Variants in DYM observed in about 807,000 individuals in gnomAD.
DYM encodes dymeclin, also known as dyggve-Melchior-Clausen syndrome protein.
In DYM, 78 loss-of-function variants were observed where a neutral mutation model predicts 93.1. That is an observed-to-expected ratio of 0.84 (90% CI 0.70 to 1.01). The LOEUF is 1.01. Among genes scored for constraint, DYM ranks in the 50% least tolerant of loss-of-function variants. DYM has a pLI of 0.00. For synonymous variants in DYM, 321 were observed against 319.7 expected (o/e 1.00, Z -0.04); for missense variants, 789 against 845.0 (o/e 0.93, Z 0.82).
At chr18:49,124,152 T>G (rs1232068456) in intron 15 of DYM, among the ~76,000 whole-genome samples, 1 of 152,178 alleles carries the variant, frequency 6.6e-6, no homozygotes, top group Non-Finnish European at 1.5e-5. Context: ...ACCTGCTACT[T>G]TAAACCCAGG....
intron 8 of DYM, among the ~76,000 whole-genome samples, chr18:49,309,820 A>C (rs2061482136): frequency 2.0e-5 from 3 of 152,216 alleles, no homozygotes; most frequent in Admixed American, 2.0e-4. Context: ...AAAGGTTAAG[A>C]AACACTGGCC....
At chr18:49,370,942 C>G (rs574098041) in intron 5 of DYM, among the ~76,000 whole-genome samples, 1 of 152,246 alleles carries the variant, frequency 6.6e-6, no homozygotes, top group South Asian at 2.1e-4. Context: ...AAAAGAACAA[C>G]CTACGAGCAA....
chr18:49,202,822 A>C (rs2092140053), intron 14 of DYM, among the ~76,000 whole-genome samples: 1 of 61,824 alleles, frequency 1.6e-5, no homozygotes, highest in African/African-American at 5.6e-5. Flanking sequence ...AGAAGTGAGG[A>C]GCCTCTCCGC....
chr18:49,404,964 G>T (rs2071295865), intron 2 of DYM, among the ~76,000 whole-genome samples: 1 of 150,612 alleles, frequency 6.6e-6, no homozygotes, highest in Admixed American at 6.6e-5. Flanking sequence ...AGTGCGCCAA[G>T]GTTGCGCCAT....
At chr18:49,073,280 T>C (rs958318204) in intron 17 of DYM, among the ~76,000 whole-genome samples, 3 of 152,258 alleles carry the variant, frequency 2.0e-5, no homozygotes, top group Non-Finnish European at 4.4e-5. Flanking sequence ...GCTATATTTA[T>C]GCCTAAAAAT....
chr18:49,049,294 A>G (rs1469624475), intron 17 of DYM, among the ~76,000 whole-genome samples: 1 of 152,238 alleles, frequency 6.6e-6, no homozygotes, highest in African/African-American at 2.4e-5. Context: ...CAGGCAGATA[A>G]TTTGAGTTTC....
chr18:49,081,049 G>A (rs1393320661), intron 17 of DYM, among the ~76,000 whole-genome samples: 17 of 141,438 alleles, frequency 1.2e-4, no homozygotes, highest in East Asian at 4.3e-4. Context: ...GGCTCCTCAC[G>A]TCCCAGACGA....
intron 10 of DYM, among the ~76,000 whole-genome samples, chr18:49,277,144 C>T (rs975679430): frequency 6.6e-5 from 10 of 151,996 alleles, no homozygotes; most frequent in South Asian, 2.1e-4. Flanking sequence ...GTCTATGAGA[C>T]GGCCACTGGG....
intron 14 of DYM, chr18:49,206,319 A>C (rs1362191190): frequency 6.5e-6 from 1 of 154,990 alleles, no homozygotes; most frequent in Non-Finnish European, 1.4e-5. Flanking sequence ...TTTTTAAGAA[A>C]TAAGCTTATA....
chr18:49,296,820 C>T (rs1467374021), intron 8 of DYM, among the ~76,000 whole-genome samples: 3 of 152,188 alleles, frequency 2.0e-5, no homozygotes, highest in Admixed American at 2.0e-4. Flanking sequence ...ATTCTTTCCT[C>T]TCTTCTCTCA....
intron 13 of DYM, among the ~76,000 whole-genome samples, chr18:49,228,441 CA>C (rs1356110104): frequency 2.0e-5 from 3 of 152,100 alleles, no homozygotes; most frequent in African/African-American, 7.2e-5. Context: ...AAGAAAACCC[CA>C]CAATTTGGAC....
At chr18:49,115,350 A>G (rs1461081137) in intron 16 of DYM, among the ~76,000 whole-genome samples, 1 of 152,258 alleles carries the variant, frequency 6.6e-6, no homozygotes, top group Non-Finnish European at 1.5e-5. Context: ...TGTCAGGAAT[A>G]CAAAGAAAAT....
In DYM at chr18:49,167,023, TGTGTGTGTGTGC is replaced by T. The variant is rs1175746930; in HGVS notation, c.1626-3248_1626-3237del. ...GTGTGTGTGTGTGTGTGTGTGTGTGTGTGTGTGTGTGCGCGCCTGTGTCCCCTATTAGTGCAC... is the reference window on the plus strand; with the variant it reads ...GTGTGTGTGTGTGTGTGTGTGTGTGTGCGCCTGTGTCCCCTATTAGTGCAC... On this transcript the variant is annotated intron_variant, in intron 14 of 17. Transcript: ENST00000675505. Among the ~76,000 whole-genome samples the T allele has an allele frequency of 4.0e-3, 565 of 141,538 alleles. 3 individuals carry two copies. The highest frequency in any genetic ancestry group is 0.015 in the African/African-American group (519 of 33,854). The allele number at this position is 141,538 out of a possible 152,430, so 92.9% of individuals were successfully genotyped here.
intron 8 of DYM, among the ~76,000 whole-genome samples, chr18:49,330,296 T>G (rs577345032): frequency 6.6e-6 from 1 of 152,084 alleles, no homozygotes; most frequent in Non-Finnish European, 1.5e-5. Flanking sequence ...TTTAAAACCG[T>G]GAGAAAAAAA....
intron 13 of DYM, among the ~76,000 whole-genome samples, chr18:49,212,143 T>G (rs1488740772): frequency 6.6e-6 from 1 of 151,818 alleles, no homozygotes; most frequent in Admixed American, 6.5e-5. Flanking sequence ...TCTCCAAATT[T>G]TAAAGGCCAT....
intron 16 of DYM, among the ~76,000 whole-genome samples, chr18:49,102,548 A>T (rs756392417): frequency 5.3e-5 from 8 of 152,182 alleles, no homozygotes; most frequent in Admixed American, 3.3e-4. Context: ...GTATATCTCC[A>T]AATGCTATCC....
chr18:49,232,660 G>C (rs1277111607), intron 13 of DYM, among the ~76,000 whole-genome samples: 1 of 145,066 alleles, frequency 6.9e-6, no homozygotes, highest in African/African-American at 2.6e-5. Context: ...CCAGGATGGA[G>C]TGCAGTGGCG....
At chr18:49,219,451 C>A (rs1179267492) in intron 13 of DYM, among the ~76,000 whole-genome samples, 2 of 151,730 alleles carry the variant, frequency 1.3e-5, no homozygotes, top group Non-Finnish European at 2.9e-5. Context: ...GAGACACAAC[C>A]AAAAAAGAGA....
intron 13 of DYM, among the ~76,000 whole-genome samples, chr18:49,216,841 G>C (rs1431805501): frequency 1.3e-5 from 2 of 152,210 alleles, no homozygotes; most frequent in Non-Finnish European, 2.9e-5. Context: ...CTAAAAAGCA[G>C]AGTGCCTCTC....
Sources: allele counts gnomAD v4.1 joint callset (sites outside exome capture counted in the v4.1 genomes callset), GRCh38; gene constraint gnomAD v4.1.1; transcripts MANE v1.5; gene names NCBI Gene and HGNC (gene_info 2026-07-23, HGNC 2026-07-21).